The following SIPA1L3 variants were observed in gnomAD, a reference collection of about 807,000 sequenced individuals.
SIPA1L3 encodes the protein signal-induced proliferation-associated 1-like protein 3.
In SIPA1L3, 59 loss-of-function variants were observed where a neutral mutation model predicts 150.1. The ratio of observed to expected loss-of-function variants is 0.39; its 90% CI spans 0.32 to 0.49. The LOEUF (loss-of-function observed/expected upper bound fraction) is 0.49. Ranked by LOEUF, SIPA1L3 falls within the 20% of genes least tolerant of loss-of-function variation. SIPA1L3 has a pLI of 0.86. For missense variants in SIPA1L3, 2,211 were observed against 2,489.5 expected (o/e 0.89, Z 2.38); for synonymous variants, 1,070 against 1,077.6 (o/e 0.99, Z 0.14).
rs2082443 is a variant in SIPA1L3 at position 38,141,018 on chromosome 19, G to A, written c.3144-166G>A. 0.19 allele frequency among the ~76,000 whole-genome samples: 26,529 copies of A among 141,546 alleles called. 2,786 individuals carry two copies. Among genetic ancestry groups the A allele is most frequent in the African/African-American group, 0.3 (11,187 of 37,742 alleles). 92.9% of individuals were successfully genotyped at this position (141,546 alleles called of 152,430 possible). A position where few individuals can be genotyped will look rare whatever the true frequency, so the allele number is the denominator to read the frequency against. On this transcript the variant is annotated intron_variant, in intron 10 of 21. Coordinates refer to ENST00000222345, the MANE Select transcript of SIPA1L3 (RefSeq NM_015073.3). ...GGTTGCAGTGAGCCAACATCATGCCGCTGTACTCCAGCCTGGGCGACAAAG... is the reference window on the plus strand; with the variant it reads ...GGTTGCAGTGAGCCAACATCATGCCACTGTACTCCAGCCTGGGCGACAAAG...
At chr19:38,066,238 G>A (rs1018646752) in intron 2 of SIPA1L3, among the ~76,000 whole-genome samples, 1 of 151,874 alleles carries the variant, frequency 6.6e-6, no homozygotes, top group African/African-American at 2.4e-5. Flanking sequence ...GGCTGGTCTC[G>A]AACTACCACC....
At chr19:38,107,976 C>T (rs1212069342) in intron 7 of SIPA1L3, among the ~76,000 whole-genome samples, 2 of 145,784 alleles carry the variant, frequency 1.4e-5, no homozygotes, top group South Asian at 4.4e-4. Flanking sequence ...GACTCTGTCT[C>T]AAAAGAGAAA....
chr19:38,141,270 G>A lies in SIPA1L3; in HGVS notation c.3230G>A (p.Arg1077His), dbSNP rs115276476. The A allele has an allele frequency of 2.4e-5, 38 of 1,613,538 alleles. No individual in the cohort carries two copies. Among genetic ancestry groups the A allele is most frequent in the Non-Finnish European group, 2.9e-5 (34 of 1,179,866 alleles). Residue 1077 changes from arginine to histidine, a missense_variant, in exon 11 of 22, where the codon CGC (arginine) becomes CAC (histidine). By Grantham distance (29) the Arg-to-His change is conservative. Coordinates refer to ENST00000222345, the MANE Select transcript of SIPA1L3 (RefSeq NM_015073.3). ...SITPGGRPPY[R>H]SNAPWQWSGP... ...ACTCCTGGGGGCCGGCCCCCCTACC[G>A]CAGCAATGCTCCCTGGCAGTGGAGC...
At chr19:38,045,631 G>T (rs1568518366) in intron 2 of SIPA1L3, among the ~76,000 whole-genome samples, 2 of 152,074 alleles carry the variant, frequency 1.3e-5, no homozygotes, top group Non-Finnish European at 2.9e-5. Flanking sequence ...GCAGGAAGGA[G>T]GTGGGGGTCT....
chr19:38,073,605 T>G (rs1206786535), intron 2 of SIPA1L3, among the ~76,000 whole-genome samples: 2 of 152,144 alleles, frequency 1.3e-5, no homozygotes, highest in Admixed American at 6.6e-5. Flanking sequence ...GAAGCCACGC[T>G]TGGCAGTCTG....
chr19:37,975,288 A>T (rs1431862491), intron 1 of SIPA1L3, among the ~76,000 whole-genome samples: 1 of 152,184 alleles, frequency 6.6e-6, no homozygotes, highest in Non-Finnish European at 1.5e-5. Flanking sequence ...GGGACCAGGA[A>T]GGAGGATGGC....
chr19:38,010,024 A>G (rs1181268469), intron 1 of SIPA1L3, among the ~76,000 whole-genome samples: 1 of 151,528 alleles, frequency 6.6e-6, no homozygotes, highest in Non-Finnish European at 1.5e-5. Flanking sequence ...CATCTCTGAC[A>G]CTCCCTATCT....
At chr19:38,201,033 T>TG (rs1370354278) in intron 19 of SIPA1L3, 7 of 152,472 alleles carry the variant, frequency 4.6e-5, no homozygotes, top group Admixed American at 4.6e-4. Context: ...AAATGAAAGT[T>TG]GGACCCAAGG....
rs371696539 is a variant in SIPA1L3, at chr19:38,177,360, C to CAAA, written c.4209-5144_4209-5142dup. On this transcript the variant is annotated intron_variant, in intron 15 of 21. Coordinates refer to ENST00000222345, the MANE Select transcript of SIPA1L3 (RefSeq NM_015073.3). The stretch of plus-strand genomic sequence containing the variant: ...TGGGTGACAGAGCAAGACTCCATCT[C>CAAA]AAAAAAAAAAAAAAAAATTCTAGTT... Among the ~76,000 whole-genome samples, 275 of 121,464 alleles carry CAAA rather than the reference C, an allele frequency of 2.3e-3. 4 individuals carry two copies. The highest frequency in any genetic ancestry group is 8.1e-3 in the African/African-American group (250 of 30,992). 79.7% of individuals were successfully genotyped at this position (121,464 alleles called of 152,430 possible). A position where few individuals can be genotyped will look rare whatever the true frequency, so the allele number is the denominator to read the frequency against.
chr19:38,092,690 G>C (rs1275486217), intron 4 of SIPA1L3, among the ~76,000 whole-genome samples: 1 of 152,142 alleles, frequency 6.6e-6, no homozygotes, highest in African/African-American at 2.4e-5. Flanking sequence ...GGCATGGAGG[G>C]TACCGTAGCA....
intron 10 of SIPA1L3, 177 bp downstream of exon 10, chr19:38,130,949 G>A: frequency 3.1e-6 from 2 of 644,600 alleles, no homozygotes; most frequent in African/African-American, 1.8e-5. Context: ...AGCGCTTACT[G>A]TATGCCAGTT....
At chr19:37,922,041 C>T (rs1209839523) in intron 1 of SIPA1L3, among the ~76,000 whole-genome samples, 3 of 152,088 alleles carry the variant, frequency 2.0e-5, no homozygotes, top group African/African-American at 2.4e-5. Flanking sequence ...GTGGACTGCA[C>T]GTTGGATCTG....
intron 1 of SIPA1L3, among the ~76,000 whole-genome samples, chr19:37,973,410 A>C (rs1464135307): frequency 6.6e-6 from 1 of 150,594 alleles, no homozygotes; most frequent in Non-Finnish European, 1.5e-5. Context: ...CTGATTTTTT[A>C]TATTAGTAGA....
chr19:38,111,826 TG>T (rs1214491858), intron 8 of SIPA1L3, among the ~76,000 whole-genome samples: 4 of 152,240 alleles, frequency 2.6e-5, no homozygotes, highest in Non-Finnish European at 4.4e-5. Flanking sequence ...AGGCCCTTTT[TG>T]GGGTTGAGGA....
At chr19:38,153,641 G>T (rs548235923) in intron 13 of SIPA1L3, among the ~76,000 whole-genome samples, 158 of 142,366 alleles carry the variant, frequency 1.1e-3, no homozygotes, top group African/African-American at 4.0e-3. Flanking sequence ...CTGCACTCCA[G>T]CCTGGGTGAC....
chr19:38,079,432 G>A (rs574776384), intron 2 of SIPA1L3, among the ~76,000 whole-genome samples: 27 of 152,318 alleles, frequency 1.8e-4, no homozygotes, highest in Non-Finnish European at 3.2e-4. Context: ...TAGACAGAAC[G>A]AACAACTGCT....
intron 1 of SIPA1L3, among the ~76,000 whole-genome samples, chr19:37,950,417 C>T (rs756688675): frequency 4.6e-5 from 7 of 152,172 alleles, no homozygotes; most frequent in African/African-American, 1.7e-4. Context: ...TTGATCTCAG[C>T]TCTGTGACCT....
rs904496320 is a variant in SIPA1L3, at chr19:38,206,562, G to A, written c.*322G>A. 1.7e-5 allele frequency: 4 copies of A among 241,180 alleles called. No homozygotes were observed. The highest frequency in any genetic ancestry group is 1.3e-4 in the South Asian group (1 of 7,934). The allele number at this position is 241,180 out of a possible 1,614,324, so 14.9% of individuals were successfully genotyped here. ...AGCCTCTTCCTGGGACCAGCCCTTC[G>A]AAGCTGATGGGGACGGAGAGAGGAG... is the stretch of plus-strand genomic sequence containing the variant. On this transcript the variant is annotated 3_prime_UTR_variant, in exon 22 of 22. Coordinates refer to ENST00000222345, the MANE Select transcript of SIPA1L3 (RefSeq NM_015073.3).
chr19:38,082,909 C>G lies in SIPA1L3; in HGVS notation c.1344C>G (p.Ser448=), dbSNP rs756644139. The change falls in exon 3 of 22, where the codon TCC becomes TCG. Residue 448 remains serine, a synonymous_variant. Coordinates refer to ENST00000222345, the MANE Select transcript of SIPA1L3 (RefSeq NM_015073.3). ...CERNVSFSRA[S]VGSPSSGEGH... ...GCAACGTGAGCTTCTCCCGGGCTTC[C>G]GTGGGCTCCCCGAGCAGCGGCGAGG... The G allele has an allele frequency of 2.5e-6, 4 of 1,613,232 alleles. No individual in the cohort carries two copies. The Admixed American group carries it at 6.7e-5, about 27-fold the overall frequency.
Sources: allele counts gnomAD v4.1 joint callset (sites outside exome capture counted in the v4.1 genomes callset), GRCh38; gene constraint gnomAD v4.1.1; transcripts MANE v1.5; gene names NCBI Gene and HGNC (gene_info 2026-07-23, HGNC 2026-07-21).